Variants in UNC79 observed in about 807,000 individuals in gnomAD.
The protein encoded by UNC79 is unc-79 subunit of NALCN channel complex, also known as protein unc-79 homolog.
In UNC79, 37 loss-of-function variants were observed where a neutral mutation model predicts 283.1. The ratio of observed to expected loss-of-function variants is 0.13; its 90% confidence interval spans 0.10 to 0.17. The LOEUF (loss-of-function observed/expected upper bound fraction) is 0.17, where lower values mean the gene tolerates loss of function less well. UNC79 is among the 10% of genes least tolerant of loss of function. The pLI is 1.00. For missense variants in UNC79, 2,272 were observed against 3,211.1 expected (o/e 0.71, Z 7.07); for synonymous variants, 1,107 against 1,200.2 (o/e 0.92, Z 1.61).
At chr14:93,371,892 A>G (rs2054459531) in intron 1 of UNC79, among the ~76,000 whole-genome samples, 1 of 152,178 alleles carries the variant, frequency 6.6e-6, no homozygotes, top group Admixed American at 6.5e-5. Flanking sequence ...TGCAAACAAG[A>G]TGATAGTGGA....
At chr14:93,410,226 G>A (rs1382122251) in intron 1 of UNC79, among the ~76,000 whole-genome samples, 2 of 152,314 alleles carry the variant, frequency 1.3e-5, no homozygotes, top group African/African-American at 2.4e-5. Flanking sequence ...GCAATACCAG[G>A]CTGAACTCAG....
At chr14:93,407,829 A>AAG (rs1447578971) in intron 1 of UNC79, among the ~76,000 whole-genome samples, 1 of 152,184 alleles carries the variant, frequency 6.6e-6, no homozygotes, top group Non-Finnish European at 1.5e-5. Flanking sequence ...GATCACAAGG[A>AAG]AGAGAGATGA....
chr14:93,628,140 C>T (rs552772889), intron 30 of UNC79, among the ~76,000 whole-genome samples: 4 of 152,322 alleles, frequency 2.6e-5, no homozygotes, highest in South Asian at 2.1e-4. Context: ...TGCTTAAAGA[C>T]TTCCAGTGAC....
intron 1 of UNC79, among the ~76,000 whole-genome samples, chr14:93,467,405 T>C (rs1407754548): frequency 6.6e-6 from 1 of 151,914 alleles, no homozygotes; most frequent in Non-Finnish European, 1.5e-5. Context: ...AGATAATTTG[T>C]GAATAGGATA....
chr14:93,577,717 C>A, intron 17 of UNC79, 125 bp from the exon 18 acceptor site: 1 of 887,492 alleles, frequency 1.1e-6, no homozygotes, highest in Non-Finnish European at 1.8e-6. Context: ...GGTACTAATG[C>A]CATTGGTTAA....
At chr14:93,455,527 A>G (rs1161070961) in intron 1 of UNC79, among the ~76,000 whole-genome samples, 1 of 151,842 alleles carries the variant, frequency 6.6e-6, no homozygotes, top group African/African-American at 2.4e-5. Context: ...ATTCTTGATT[A>G]TATTGATGAC....
At chr14:93,632,131 T>A (rs999356642) in intron 31 of UNC79, among the ~76,000 whole-genome samples, 1 of 152,234 alleles carries the variant, frequency 6.6e-6, no homozygotes, top group African/African-American at 2.4e-5. Context: ...CTAGGCCCTT[T>A]AGACTTACAA....
intron 5 of UNC79, among the ~76,000 whole-genome samples, chr14:93,495,169 G>A (rs1012616042): frequency 6.6e-5 from 10 of 152,130 alleles, no homozygotes; most frequent in East Asian, 1.9e-4. Context: ...GTATTAGTCC[G>A]TTTTTACACT....
chr14:93,438,393 A>G (rs1468526039), intron 1 of UNC79, among the ~76,000 whole-genome samples: 5 of 152,166 alleles, frequency 3.3e-5, no homozygotes, highest in Non-Finnish European at 1.5e-5. Context: ...TGACTCTCCA[A>G]GTGCATCCTA....
intron 7 of UNC79, among the ~76,000 whole-genome samples, chr14:93,501,654 C>T (rs1416851488): frequency 6.6e-6 from 1 of 150,804 alleles, no homozygotes; most frequent in Non-Finnish European, 1.5e-5. Context: ...CACCACTGCA[C>T]TACATCCTGG....
At chr14:93,602,928 A>G (rs972931920) in intron 25 of UNC79, among the ~76,000 whole-genome samples, 3 of 152,194 alleles carry the variant, frequency 2.0e-5, no homozygotes, top group Non-Finnish European at 4.4e-5. Flanking sequence ...GGCATGAGCC[A>G]CCACACCTGG....
chr14:93,535,505 T>G (rs1321478103), intron 11 of UNC79, among the ~76,000 whole-genome samples: 1 of 152,202 alleles, frequency 6.6e-6, no homozygotes, highest in Non-Finnish European at 1.5e-5. Flanking sequence ...GTTCATAGAC[T>G]CTGTGGATCA....
exon 30 of UNC79, chr14:93,622,352 G>A: frequency 1.2e-6 from 2 of 1,614,166 alleles, no homozygotes; most frequent in South Asian, 2.2e-5. Context: ...TAATCAGTCA[G>A]CAGGGAACAC....
intron 14 of UNC79, among the ~76,000 whole-genome samples, chr14:93,550,469 C>G (rs991078128): frequency 7.2e-5 from 10 of 138,460 alleles, no homozygotes; most frequent in Non-Finnish European, 1.2e-4. Context: ...GAGCCAAGAT[C>G]GCGGCTCTGC....
intron 1 of UNC79, among the ~76,000 whole-genome samples, chr14:93,406,859 A>G (rs1219365856): frequency 6.6e-6 from 1 of 152,198 alleles, no homozygotes; most frequent in African/African-American, 2.4e-5. Flanking sequence ...ACAAAGTACT[A>G]TAAACTAGGT....
At chr14:93,704,722 G>C in intron 48 of UNC79, 56 bp downstream of exon 51, 5 of 1,585,396 alleles carry the variant, frequency 3.2e-6, no homozygotes, top group Non-Finnish European at 4.3e-6. Context: ...AACGTATAAC[G>C]TTCCTAGGGA....
At chr14:93,618,150 A>C in intron 28 of UNC79, 42 bp from the exon 30 acceptor site, 2 of 1,579,530 alleles carry the variant, frequency 1.3e-6, no homozygotes. Context: ...CTTACCCTCT[A>C]AAATAACCAT....
At chr14:93,689,093 T>C (rs1355411867) in intron 44 of UNC79, 2 of 468,310 alleles carry the variant, frequency 4.3e-6, no homozygotes, top group Non-Finnish European at 7.4e-6. Context: ...ATGAAAATTT[T>C]GAGCTTAGAA....
At position 93,600,949 on chromosome 14, in the gene UNC79, C is replaced by T. The variant is rs140374877; in HGVS notation, c.3574+179C>T. Among the ~76,000 whole-genome samples, 522 of 152,218 alleles carry T rather than the reference C, an allele frequency of 3.4e-3. 3 individuals carry two copies. The highest frequency in any genetic ancestry group is 0.014 in the Middle Eastern group (4 of 294). On this transcript the variant is annotated intron_variant, in intron 25 of 48. Transcript: ENST00000555664. ...TAGTAATCCATAGATTTAAGCATATCCTGGCATTCCAAAATCAGAATTCTT... is the reference window on the plus strand; with the variant it reads ...TAGTAATCCATAGATTTAAGCATATTCTGGCATTCCAAAATCAGAATTCTT...
Sources: gnomAD v4.1 joint callset for allele counts (sites outside exome capture counted in the v4.1 genomes callset) on GRCh38, gnomAD v4.1.1 for gene constraint, MANE v1.5 for transcripts, NCBI Gene and HGNC (gene_info 2026-07-23, HGNC 2026-07-21) for gene names.